Variants in PDSS2 observed in about 807,000 individuals in gnomAD.
PDSS2 encodes decaprenyl diphosphate synthase subunit 2.
PDSS2 carries 31 observed loss-of-function variants against 44.5 expected under a neutral mutation model. That is an observed-to-expected ratio of 0.70 (90% CI 0.52 to 0.94). PDSS2 has a LOEUF of 0.94. Among genes scored for constraint, PDSS2 ranks in the 40% least tolerant of loss-of-function variants. The pLI is 0.00. For synonymous variants in PDSS2, 157 were observed against 180.3 expected (o/e 0.87, Z 1.03); for missense variants, 452 against 482.2 (o/e 0.94, Z 0.59).
chr6:107,429,901 A>AAAAAAAAAAAAAAT (rs1166637352), intron 1 of PDSS2, among the ~76,000 whole-genome samples: 3 of 31,838 alleles, frequency 9.4e-5, no homozygotes, highest in Non-Finnish European at 1.6e-4. Flanking sequence ...AAAAAAAAAA[A>AAAAAAAAAAAAAAT]ATATATATAT....
At chr6:107,243,292 G>C (rs1394928608) in intron 4 of PDSS2, among the ~76,000 whole-genome samples, 2 of 152,152 alleles carry the variant, frequency 1.3e-5, no homozygotes, top group Non-Finnish European at 2.9e-5. Context: ...ACCAACAAAT[G>C]TCACCCTTTT....
In PDSS2 at chr6:107,405,834, G is replaced by A. The variant is rs994503411; in HGVS notation, c.296+53156C>T. Among the ~76,000 whole-genome samples the A allele has an allele frequency of 3.5e-5, 5 of 141,606 alleles. No individual in the cohort carries two copies. In the East Asian group the frequency reaches 6.1e-4, roughly 17 times the overall value. 92.9% of individuals were successfully genotyped at this position (141,606 alleles called of 152,430 possible). A position where few individuals can be genotyped will look rare whatever the true frequency, so the allele number is the denominator to read the frequency against. On this transcript the variant is annotated intron_variant, in intron 1 of 7. Transcript: ENST00000369037. Reference sequence around the variant, plus strand: ...TGCACTCCAGCCTGGGCGACAGAGCGAGACTCCGTCTCAAAAAAAAAAAAA... The same window carrying A: ...TGCACTCCAGCCTGGGCGACAGAGCAAGACTCCGTCTCAAAAAAAAAAAAA...
intron 1 of PDSS2, among the ~76,000 whole-genome samples, chr6:107,434,325 T>C (rs1781283602): frequency 6.6e-6 from 1 of 152,234 alleles, no homozygotes; most frequent in South Asian, 2.1e-4. Flanking sequence ...GCAGCACTGT[T>C]CACAATAGCC....
chr6:107,248,984 C>T (rs1774723138), intron 3 of PDSS2, among the ~76,000 whole-genome samples: 1 of 152,210 alleles, frequency 6.6e-6, no homozygotes, highest in Non-Finnish European at 1.5e-5. Flanking sequence ...AGCACCCCAT[C>T]AACTGGCAAA....
At chr6:107,347,404 G>A (rs1778287160) in intron 1 of PDSS2, among the ~76,000 whole-genome samples, 1 of 151,870 alleles carries the variant, frequency 6.6e-6, no homozygotes. Flanking sequence ...CGAATAGCTG[G>A]GATTACAGGC....
At chr6:107,167,245 G>C (rs1446761670) in intron 7 of PDSS2, among the ~76,000 whole-genome samples, 5 of 152,156 alleles carry the variant, frequency 3.3e-5, no homozygotes, top group Non-Finnish European at 5.9e-5. Flanking sequence ...ATTTCTTCTA[G>C]ATTTTCTAGT....
intron 7 of PDSS2, among the ~76,000 whole-genome samples, chr6:107,184,229 C>A (rs1772087928): frequency 6.6e-6 from 1 of 152,020 alleles, no homozygotes; most frequent in African/African-American, 2.4e-5. Context: ...AGTCTCAGAG[C>A]CAGTTTGCTA....
intron 1 of PDSS2, among the ~76,000 whole-genome samples, chr6:107,345,494 T>C (rs540504047): frequency 4.6e-5 from 7 of 151,754 alleles, no homozygotes; most frequent in South Asian, 4.2e-4. Flanking sequence ...AGGTAGATGA[T>C]TGTTCAACTG....
intron 2 of PDSS2, among the ~76,000 whole-genome samples, chr6:107,318,910 C>A (rs1233654400): frequency 6.6e-6 from 1 of 152,038 alleles, no homozygotes; most frequent in Non-Finnish European, 1.5e-5. Flanking sequence ...ATCACTTGAA[C>A]CCAGGAGACA....
intron 2 of PDSS2, among the ~76,000 whole-genome samples, chr6:107,303,494 T>C (rs1427038504): frequency 1.3e-5 from 2 of 152,252 alleles, no homozygotes; most frequent in African/African-American, 4.8e-5. Flanking sequence ...TTTTAACATA[T>C]GTTTATAAAC....
intron 1 of PDSS2, among the ~76,000 whole-genome samples, chr6:107,400,783 C>T (rs1011592525): frequency 2.6e-5 from 4 of 152,132 alleles, no homozygotes; most frequent in African/African-American, 9.7e-5. Context: ...CTGGTGTTTG[C>T]ACCTGCCATT....
chr6:107,429,901 A>AATATATATATATATATATATATATAT (rs869061691), intron 1 of PDSS2, among the ~76,000 whole-genome samples: 1 of 31,822 alleles, frequency 3.1e-5, no homozygotes, highest in Non-Finnish European at 5.3e-5. Flanking sequence ...AAAAAAAAAA[A>AATATATATATATATATATATATATAT]ATATATATAT....
chr6:107,284,102 G>A (rs868228093), intron 2 of PDSS2, among the ~76,000 whole-genome samples: 2 of 151,482 alleles, frequency 1.3e-5, no homozygotes, highest in Admixed American at 6.6e-5. Flanking sequence ...TTCGCTATAC[G>A]GACAAGGGAG....
rs71861456 is a variant in PDSS2 at position 107,337,039 on chromosome 6, CCACACACACACA to C, written c.297-2719_297-2708del. 1.9e-3 allele frequency among the ~76,000 whole-genome samples: 267 copies of C among 141,450 alleles called. 1 individual carries two copies. The highest frequency in any genetic ancestry group is 3.1e-3 in the African/African-American group (113 of 36,914). The allele number at this position is 141,450 out of a possible 152,430, so 92.8% of individuals were successfully genotyped here. On this transcript the variant is annotated intron_variant, in intron 1 of 7. Transcript: ENST00000369037. ...TCTCAGAAATAGGACCTTTCACATA[CCACACACACACA>C]CACACACACACACACACACACACAC... is the stretch of plus-strand genomic sequence containing the variant.
At chr6:107,296,365 G>C (rs113398337) in intron 2 of PDSS2, among the ~76,000 whole-genome samples, 1 of 152,232 alleles carries the variant, frequency 6.6e-6, no homozygotes, top group East Asian at 1.9e-4. Context: ...TATGAAAGAT[G>C]TCAAAAATGA....
chr6:107,421,132 G>A (rs1780811702), intron 1 of PDSS2, among the ~76,000 whole-genome samples: 1 of 152,260 alleles, frequency 6.6e-6, no homozygotes, highest in East Asian at 1.9e-4. Context: ...TTAAAGCTAA[G>A]ATGAGATATT....
chr6:107,198,179 C>A (rs988941704), intron 6 of PDSS2, among the ~76,000 whole-genome samples: 5 of 152,206 alleles, frequency 3.3e-5, no homozygotes, highest in Non-Finnish European at 5.9e-5. Context: ...TTGCAAACCT[C>A]AAACTCTCTC....
rs118109831 is a variant in PDSS2 at position 107,203,863 on chromosome 6, A to G, written c.1008+6576T>C. Among the ~76,000 whole-genome samples the G allele has an allele frequency of 6.4e-4, 97 of 151,848 alleles. 4 individuals carry two copies. In the East Asian group the frequency reaches 0.018, roughly 29 times the overall value. ...AACCACCAGTCTTTTTTCTGTCTCT[A>G]TGATTTGTCTACTCTGGATGTTTCA... On this transcript the variant is annotated intron_variant, in intron 6 of 7. Coordinates refer to ENST00000369037, the MANE Select transcript of PDSS2 (RefSeq NM_020381.4).
At chr6:107,293,627 T>A (rs567419817) in intron 2 of PDSS2, among the ~76,000 whole-genome samples, 1 of 152,266 alleles carries the variant, frequency 6.6e-6, no homozygotes, top group East Asian at 1.9e-4. Flanking sequence ...CAAACCCCTT[T>A]CTTCAAGGGT....
Sources: gnomAD v4.1 joint callset for allele counts (sites outside exome capture counted in the v4.1 genomes callset) on GRCh38, gnomAD v4.1.1 for gene constraint, MANE v1.5 for transcripts, NCBI Gene and HGNC (gene_info 2026-07-23, HGNC 2026-07-21) for gene names.